The following C19orf38 variants were observed in gnomAD, a reference collection of about 807,000 sequenced individuals.
The protein encoded by C19orf38 is chromosome 19 open reading frame 38.
Under a neutral mutation model 26.6 loss-of-function variants are expected in C19orf38, and 14 were observed. That is an observed-to-expected ratio of 0.53 (90% CI 0.35 to 0.82). The LOEUF (loss-of-function observed/expected upper bound fraction) is 0.82. C19orf38 is among the 40% of genes least tolerant of loss of function. The probability of loss-of-function intolerance (pLI) is 0.01; values close to 1 mark genes in which losing one functional copy is unlikely to be tolerated. For synonymous variants in C19orf38, 132 were observed against 128.5 expected (o/e 1.03, Z -0.18); for missense variants, 261 against 299.5 (o/e 0.87, Z 0.95).
At chr19:10,852,637 G>T (rs2073584505) in intron 2 of C19orf38, among the ~76,000 whole-genome samples, 4 of 152,200 alleles carry the variant, frequency 2.6e-5, no homozygotes. Flanking sequence ...ATGTGCAAAG[G>T]CCCCGAGGCT....
intron 1 of C19orf38, among the ~76,000 whole-genome samples, chr19:10,849,092 T>C (rs1329047406): frequency 6.6e-6 from 1 of 151,570 alleles, no homozygotes; most frequent in East Asian, 1.9e-4. Flanking sequence ...TCTCCTGCCC[T>C]CCCTCTCACT....
At chr19:10,865,336 G>C (rs540441733) in intron 6 of C19orf38, among the ~76,000 whole-genome samples, 1 of 152,128 alleles carries the variant, frequency 6.6e-6, no homozygotes, top group Non-Finnish European at 1.5e-5. Flanking sequence ...TAGTAGAGAC[G>C]GGTTTTCATC....
chr19:10,867,714 G>A (rs1396502540), intron 6 of C19orf38, among the ~76,000 whole-genome samples: 3 of 126,576 alleles, frequency 2.4e-5, no homozygotes, highest in Admixed American at 1.9e-4. Flanking sequence ...GTGCAGTGGT[G>A]TGATCTCGGC....
chr19:10,862,110 C>T (rs2073704253), intron 5 of C19orf38, among the ~76,000 whole-genome samples: 1 of 151,142 alleles, frequency 6.6e-6, no homozygotes, highest in Non-Finnish European at 1.5e-5. Flanking sequence ...CCATGTTAGC[C>T]AGGATGGTCT....
chr19:10,859,286 GTGTGTATA>G (rs1238308808), intron 4 of C19orf38, among the ~76,000 whole-genome samples: 2 of 132,836 alleles, frequency 1.5e-5, no homozygotes, highest in African/African-American at 5.7e-5. Context: ...GTGTATGTGT[GTGTGTATA>G]TGTGTGTGTG....
chr19:10,850,384 CGAG>C lies in C19orf38; in HGVS notation c.159_161del (p.Gly55del), dbSNP rs1568333968. 6.4e-7 allele frequency: 1 copy of C among 1,550,808 alleles called. No homozygotes were observed. The highest frequency in any genetic ancestry group is 8.7e-7 in the Non-Finnish European group (1 of 1,146,586). On this transcript the variant is annotated inframe_deletion, in exon 2 of 7. Transcript: ENST00000397820. Reference sequence around the variant, plus strand: ...CCCGGGGGCGAATTTCACACTGTATCGAGGGGGGCAGGTGGTCCAGCTCCTGCA... The same window carrying C: ...CCCGGGGGCGAATTTCACACTGTATCGGGGGCAGGTGGTCCAGCTCCTGCA...
chr19:10,863,937 A>G (rs1424379602), intron 6 of C19orf38, among the ~76,000 whole-genome samples: 1 of 152,140 alleles, frequency 6.6e-6, no homozygotes, highest in Non-Finnish European at 1.5e-5. Flanking sequence ...GATAAAAATG[A>G]AAAAGTACAA....
At chr19:10,856,179 G>A in intron 2 of C19orf38, 86 bp from the exon 3 acceptor site, 14 of 1,038,974 alleles carry the variant, frequency 1.3e-5, no homozygotes, top group Non-Finnish European at 1.9e-5. Flanking sequence ...CTTTGGTTGG[G>A]GGTTATGGGG....
Position 10,850,478 on chromosome 19 carries a change from G to A in C19orf38, c.251G>A (p.Gly84Glu), listed in dbSNP as rs1051143515. 1.9e-6 allele frequency: 3 copies of A among 1,551,648 alleles called. No individual in the cohort carries two copies. The highest frequency in any genetic ancestry group is 1.2e-5 in the South Asian group (1 of 84,062). ...GGCGGCAGCAGCAAGGCTCCAGGGG[G>A]ACCCTTCCACTGCCAGTATGGAGTG... ...LSGGSSKAPG[G>E]PFHCQYGVLG... Residue 84 changes from glycine (G) to glutamate (E), a missense_variant, in exon 2 of 7, where the codon GGA becomes GAA. Gly to Glu is a moderately conservative substitution (Grantham distance 98). Transcript: ENST00000397820.
rs373677022 is a variant in C19orf38, at chr19:10,841,588, C to T, written c.-69+4818C>T. ...TGGGTAGATCACAAGGTCAGGAGAT[C>T]GAGACCATGTCCCTTGAGTAAACAA... On this transcript the variant is annotated intron_variant, in intron 1 of 7. Coordinates refer to the C19orf38 transcript ENST00000592854. Among the ~76,000 whole-genome samples, 39 of 152,060 alleles carry T rather than the reference C, an allele frequency of 2.6e-4. 1 individual carries two copies. Among genetic ancestry groups the T allele is most frequent in the African/African-American group, 7.7e-4 (32 of 41,476 alleles).
chr19:10,849,449 G>A (rs964465006), intron 1 of C19orf38, among the ~76,000 whole-genome samples: 4 of 152,154 alleles, frequency 2.6e-5, no homozygotes, highest in Non-Finnish European at 2.9e-5. Context: ...GACTCAGCTC[G>A]TGGGAGGCCA....
chr19:10,854,311 A>G (rs544620352), intron 2 of C19orf38, among the ~76,000 whole-genome samples: 677 of 152,194 alleles, frequency 4.4e-3, no homozygotes, highest in Middle Eastern at 6.8e-3. Flanking sequence ...TGATCCGCCC[A>G]CATCGGCCTC....
chr19:10,842,862 G>A (rs1354252374), intron 1 of C19orf38, among the ~76,000 whole-genome samples: 1 of 152,234 alleles, frequency 6.6e-6, no homozygotes, highest in South Asian at 2.1e-4. Flanking sequence ...GCAAGGGCAT[G>A]ACACTGGAGG....
chr19:10,857,292 G>GTATATATATACACACATA (rs1568336420), intron 3 of C19orf38, among the ~76,000 whole-genome samples: 2 of 115,722 alleles, frequency 1.7e-5, no homozygotes, highest in Non-Finnish European at 3.5e-5. Context: ...GTGTGTGTAT[G>GTATATATATACACACATA]TATATATATA....
rs896645700 is a variant in C19orf38 at position 10,869,519 on chromosome 19, G to T, written c.*152G>T. 17 of 1,135,084 alleles carry T rather than the reference G, an allele frequency of 1.5e-5. No homozygotes were observed. The highest frequency in any genetic ancestry group is 1.8e-5 in the Non-Finnish European group (15 of 828,530). 70.3% of individuals were successfully genotyped at this position (1,135,084 alleles called of 1,614,324 possible). On this transcript the variant is annotated 3_prime_UTR_variant, in exon 7 of 7. Coordinates refer to ENST00000397820, the MANE Select transcript of C19orf38 (RefSeq NM_001136482.3). The stretch of plus-strand genomic sequence containing the variant: ...TGGCCTTGGGATTTTCATCACAGAG[G>T]AGTGGGAGAGGGGACACAGGCATGG...
At chr19:10,843,093 CAG>C (rs2073491102) in intron 1 of C19orf38, among the ~76,000 whole-genome samples, 1 of 152,066 alleles carries the variant, frequency 6.6e-6, no homozygotes, top group South Asian at 2.1e-4. Flanking sequence ...TTTATGGACT[CAG>C]AATGGGGAAT....
chr19:10,842,205 A>C, intron 1 of C19orf38: 1 of 1,451,674 alleles, frequency 6.9e-7, no homozygotes, highest in African/African-American at 1.4e-5. Flanking sequence ...ATGGTATGAA[A>C]ACTTTCAGTG....
At chr19:10,856,105 G>A (rs563436909) in intron 2 of C19orf38, among the ~76,000 whole-genome samples, 160 bp from the exon 3 acceptor site, 1 of 152,314 alleles carries the variant, frequency 6.6e-6, no homozygotes, top group South Asian at 2.1e-4. Flanking sequence ...CCAGGAGCGG[G>A]GGATAGGCTA....
At chr19:10,867,017 T>C (rs1203184691) in intron 6 of C19orf38, among the ~76,000 whole-genome samples, 1 of 151,878 alleles carries the variant, frequency 6.6e-6, no homozygotes, top group Non-Finnish European at 1.5e-5. Flanking sequence ...CTCAGACTCC[T>C]GACCTCAAGT....
Sources: gnomAD v4.1 joint callset for allele counts (sites outside exome capture counted in the v4.1 genomes callset) on GRCh38, gnomAD v4.1.1 for gene constraint, MANE v1.5 for transcripts, NCBI Gene and HGNC (gene_info 2026-07-23, HGNC 2026-07-21) for gene names.